The following ANKH variants were observed in gnomAD, a reference collection of about 807,000 sequenced individuals.
The protein encoded by ANKH is mineralization regulator ANKH.
Under a neutral mutation model 49.0 loss-of-function variants are expected in ANKH, and 15 were observed. The ratio of observed to expected loss-of-function variants is 0.31; its 90% confidence interval spans 0.20 to 0.47. ANKH has a LOEUF of 0.47. ANKH is among the 20% of genes least tolerant of loss of function. The pLI is 1.00. For missense variants in ANKH, 429 were observed against 652.0 expected (o/e 0.66, Z 3.72); for synonymous variants, 273 against 260.0 (o/e 1.05, Z -0.48).
chr5:14,729,529 C>A (rs893501540), intron 8 of ANKH, among the ~76,000 whole-genome samples: 1 of 151,788 alleles, frequency 6.6e-6, no homozygotes, highest in Non-Finnish European at 1.5e-5. Flanking sequence ...ATTGAGGACG[C>A]GAGAGGCAGT....
chr5:14,760,939 C>T (rs1739053871), intron 2 of ANKH, among the ~76,000 whole-genome samples: 1 of 152,142 alleles, frequency 6.6e-6, no homozygotes, highest in Non-Finnish European at 1.5e-5. Context: ...CCTTATCTAG[C>T]CATAAGGTCA....
At chr5:14,738,901 A>G (rs944553669) in intron 8 of ANKH, among the ~76,000 whole-genome samples, 2 of 152,218 alleles carry the variant, frequency 1.3e-5, no homozygotes, top group Admixed American at 1.3e-4. Context: ...CCGGTGTCTC[A>G]TAATTAAGGA....
At chr5:14,756,044 C>G in intron 3 of ANKH, 100 bp from the exon 4 acceptor site, 1 of 987,462 alleles carries the variant, frequency 1.0e-6, no homozygotes, top group Non-Finnish European at 1.6e-6. Context: ...CACTTTATAC[C>G]CCCTCAAAGC....
intron 11 of ANKH, among the ~76,000 whole-genome samples, chr5:14,712,085 CATTAT>C (rs1561017019): frequency 3.3e-5 from 5 of 152,214 alleles, no homozygotes; most frequent in African/African-American, 9.7e-5. Flanking sequence ...GCTTTTCTTT[CATTAT>C]ATTTGCCAGG....
At chr5:14,772,886 G>A (rs544539574) in intron 1 of ANKH, among the ~76,000 whole-genome samples, 1 of 152,330 alleles carries the variant, frequency 6.6e-6, no homozygotes, top group East Asian at 1.9e-4. Context: ...CTCATCTGAT[G>A]CATCCACCAT....
chr5:14,723,892 T>G (rs1020540052), intron 8 of ANKH, among the ~76,000 whole-genome samples: 3 of 152,190 alleles, frequency 2.0e-5, no homozygotes, highest in African/African-American at 7.2e-5. Context: ...CTTTAGAAAC[T>G]AACCACCACT....
At position 14,704,939 on chromosome 5, in the gene ANKH, TGTTA is replaced by T. The variant is rs1736893430; in HGVS notation, c.*6254_*6257del. The T allele has an allele frequency of 6.6e-6, 1 of 152,246 alleles. No homozygotes were observed. Among genetic ancestry groups the T allele is most frequent in the Non-Finnish European group, 1.5e-5 (1 of 68,046 alleles). The allele number at this position is 152,246 out of a possible 1,614,324, so 9.4% of individuals were successfully genotyped here. A position where few individuals can be genotyped will look rare whatever the true frequency, so the allele number is the denominator to read the frequency against. On this transcript the variant is annotated 3_prime_UTR_variant, in exon 12 of 12. Transcript: ENST00000284268. ...TCTTACCAATGCAAAAACTTCCATC[TGTTA>T]GATACATAAAGAGCACTTCCTTAAA...
intron 1 of ANKH, among the ~76,000 whole-genome samples, chr5:14,838,921 C>T (rs548100343): frequency 1.3e-5 from 2 of 152,236 alleles, no homozygotes; most frequent in Admixed American, 6.5e-5. Context: ...TCGCTATCCA[C>T]GTGAAGGCAA....
chr5:14,800,272 T>A (rs1045050507), intron 1 of ANKH, among the ~76,000 whole-genome samples: 8 of 152,238 alleles, frequency 5.3e-5, no homozygotes, highest in African/African-American at 1.9e-4. Context: ...CTGGTGAAGA[T>A]GCTGTGAACA....
intron 8 of ANKH, among the ~76,000 whole-genome samples, chr5:14,724,171 G>T (rs1439302156): frequency 6.6e-6 from 1 of 152,120 alleles, no homozygotes; most frequent in Admixed American, 6.5e-5. Flanking sequence ...TACAAAAGTA[G>T]CCAGGCGTGG....
At chr5:14,869,644 G>A (rs575676174) in intron 1 of ANKH, 2 of 152,302 alleles carry the variant, frequency 1.3e-5, no homozygotes, top group East Asian at 3.9e-4. Flanking sequence ...TCCCTTTTGT[G>A]ACTTCAGGAG....
At chr5:14,754,134 ACT>A (rs1320005457) in intron 4 of ANKH, among the ~76,000 whole-genome samples, 2 of 152,206 alleles carry the variant, frequency 1.3e-5, no homozygotes, top group African/African-American at 4.8e-5. Flanking sequence ...TGGCATCTGA[ACT>A]CGGCTTCCAC....
chr5:14,793,007 A>AAAAT (rs796261030), intron 1 of ANKH, among the ~76,000 whole-genome samples: 43,432 of 76,762 alleles, frequency 0.57, 11,422 homozygotes, highest in South Asian at 0.7. Flanking sequence ...TATATATATA[A>AAAAT]ATATATATAT....
rs560304347 is a variant in ANKH at position 14,806,582 on chromosome 5, G to C, written c.97-37391C>G. Among the ~76,000 whole-genome samples the C allele has an allele frequency of 2.1e-3, 317 of 152,256 alleles. 3 individuals carry two copies. Among genetic ancestry groups the C allele is most frequent in the African/African-American group, 7.4e-3 (306 of 41,544 alleles). ...GGCTGTAGCTGTGGCAGGAGGTCAC[G>C]CTCCTCCTGCTCAAAGGGCAGGGGT... On this transcript the variant is annotated intron_variant, in intron 1 of 11. Coordinates refer to ENST00000284268, the MANE Select transcript of ANKH (RefSeq NM_054027.6).
In ANKH at chr5:14,749,298, T is replaced by G. The variant is rs919440977; in HGVS notation, c.696A>C (p.Ala232=). ...AGAAGCTCAGCATCTTTCTTATTGT[T>G]GCATCTCCCTGTGTTAAGAAACGAA... ...DRSGPELGGD[A]TIRKMLSFWW... Residue 232 remains alanine (A), a synonymous_variant, in exon 6 of 12, where the codon GCA becomes GCC. Transcript: ENST00000284268. The G allele has an allele frequency of 1.2e-5, 20 of 1,614,114 alleles. No homozygotes were observed. The African/African-American group carries it at 2.4e-4, about 19-fold the overall frequency.
intron 8 of ANKH, among the ~76,000 whole-genome samples, chr5:14,718,840 A>C (rs697564): frequency 0.71 from 63,624 of 89,318 alleles, 23,459 homozygotes; most frequent in Middle Eastern, 0.87. Context: ...CCCCCCCCCC[A>C]AAAAAAAAAG....
intron 1 of ANKH, among the ~76,000 whole-genome samples, chr5:14,849,410 G>A (rs1561083228): frequency 1.3e-5 from 2 of 152,118 alleles, no homozygotes; most frequent in Non-Finnish European, 2.9e-5. Flanking sequence ...ATAAACTGTG[G>A]CTGTTCACAT....
chr5:14,727,628 A>G (rs139872844), intron 8 of ANKH, among the ~76,000 whole-genome samples: 503 of 152,116 alleles, frequency 3.3e-3, no homozygotes, highest in Admixed American at 6.5e-3. Context: ...TCTGAGGACT[A>G]TTGATAAAGT....
intron 4 of ANKH, among the ~76,000 whole-genome samples, chr5:14,752,847 TAGGTAGAGAATG>T (rs1738764498): frequency 1.3e-5 from 2 of 151,696 alleles, no homozygotes; most frequent in South Asian, 4.2e-4. Context: ...CAGCCTCAAG[TAGGTAGAGAATG>T]AAAGAGAAGT....
Sources: gnomAD v4.1 joint callset for allele counts (sites outside exome capture counted in the v4.1 genomes callset) on GRCh38, gnomAD v4.1.1 for gene constraint, MANE v1.5 for transcripts, NCBI Gene and HGNC (gene_info 2026-07-23, HGNC 2026-07-21) for gene names.